Variants in EPS15L1 observed in about 807,000 individuals in gnomAD.
EPS15L1 encodes epidermal growth factor receptor substrate 15-like 1.
A neutral mutation model predicts 117.1 loss-of-function variants in EPS15L1; 43 were observed. That is an observed-to-expected ratio of 0.37 (90% confidence interval 0.29 to 0.47). The LOEUF (loss-of-function observed/expected upper bound fraction) is 0.47, where lower values mean the gene tolerates loss of function less well. Among genes scored for constraint, EPS15L1 ranks in the 20% least tolerant of loss-of-function variants. The probability of loss-of-function intolerance (pLI) is 0.99; values close to 1 mark genes in which losing one functional copy is unlikely to be tolerated. For synonymous variants in EPS15L1, 459 were observed against 470.5 expected, an observed-to-expected ratio of 0.98 and a Z score of 0.32; for missense variants, 981 against 1,164.0, an observed-to-expected ratio of 0.84 and a Z score of 2.29.
At chr19:16,412,102 T>C (rs559047958) in intron 13 of EPS15L1, among the ~76,000 whole-genome samples, 4 of 152,176 alleles carry the variant, frequency 2.6e-5, no homozygotes, top group Non-Finnish European at 5.9e-5. Flanking sequence ...TTGGATTATT[T>C]TTTATTTTTT....
intron 1 of EPS15L1, among the ~76,000 whole-genome samples, chr19:16,470,442 G>A (rs1255191859): frequency 1.3e-5 from 2 of 152,010 alleles, no homozygotes; most frequent in African/African-American, 2.4e-5. Context: ...CCCAAACTGG[G>A]AGTGCTTAGT....
chr19:16,368,539 C>T (rs1433032823), intron 22 of EPS15L1, among the ~76,000 whole-genome samples: 1 of 151,638 alleles, frequency 6.6e-6, no homozygotes, highest in Admixed American at 6.6e-5. Flanking sequence ...ACACATCTCT[C>T]GTTCATCCTG....
Position 16,404,856 on chromosome 19 carries a change from C to T in EPS15L1, c.1267-107G>A. On this transcript the variant is annotated intron_variant, in intron 13 of 23. Transcript: ENST00000455140. The surrounding 1 kb of genome is among the most constrained non-coding windows in gnomAD (Gnocchi z 4.2). ...AGTCCAGGGGAAGCCTCCGAAACCA[C>T]CCACTGTGACCGTGCTCAGGGCCAG... The T allele has an allele frequency of 8.2e-7, 1 of 1,223,094 alleles. No homozygotes were observed. The allele number at this position is 1,223,094 out of a possible 1,614,324, so 75.8% of individuals were successfully genotyped here. A position where few individuals can be genotyped will look rare whatever the true frequency, so the allele number is the denominator to read the frequency against.
At chr19:16,392,497 T>TGG in intron 18 of EPS15L1, 57 bp from the exon 19 acceptor site, 1 of 1,494,464 alleles carries the variant, frequency 6.7e-7, no homozygotes, top group Non-Finnish European at 9.3e-7. Flanking sequence ...AACCCAGACA[T>TGG]AAAAGAACAC....
At chr19:16,431,249 C>A (rs969499325) in intron 7 of EPS15L1, among the ~76,000 whole-genome samples, 33 of 144,162 alleles carry the variant, frequency 2.3e-4, no homozygotes, top group Admixed American at 2.3e-3. Flanking sequence ...AAAAAAAAAA[C>A]TTTTTTTTAA....
At chr19:16,469,896 C>G (rs1322438500) in intron 1 of EPS15L1, among the ~76,000 whole-genome samples, 1 of 152,158 alleles carries the variant, frequency 6.6e-6, no homozygotes, top group Non-Finnish European at 1.5e-5. Context: ...ATCTGTGAAC[C>G]CAAGTGATCT....
rs759015104 is a variant in EPS15L1 at position 16,385,228 on chromosome 19, C to G, written c.2165-17G>C. 6.2e-7 allele frequency: 1 copy of G among 1,611,194 alleles called. No individual in the cohort carries two copies. Among genetic ancestry groups the G allele is most frequent in the East Asian group, 2.2e-5 (1 of 44,870 alleles). On this transcript the variant is annotated splice_polypyrimidine_tract_variant and intron_variant, in intron 20 of 23. Coordinates refer to ENST00000455140, the MANE Select transcript of EPS15L1 (RefSeq NM_001258374.3). ...CAAAGGGATCTGCAATCGGCACCAA[C>G]AAAGTCAGAGTTACAGGTCTTTAAG...
At chr19:16,427,417 T>C (rs554370125) in intron 8 of EPS15L1, among the ~76,000 whole-genome samples, 1 of 152,362 alleles carries the variant, frequency 6.6e-6, no homozygotes, top group Admixed American at 6.5e-5. Context: ...TCAGCATTAC[T>C]AATCCAAAAA....
intron 19 of EPS15L1, 111 bp downstream of exon 19, chr19:16,392,193 C>G (rs2092483329): frequency 1.6e-6 from 2 of 1,243,504 alleles, no homozygotes; most frequent in Non-Finnish European, 2.3e-6. Context: ...ATGGCCCACA[C>G]TCGCAGGCAC....
intron 13 of EPS15L1, among the ~76,000 whole-genome samples, chr19:16,411,952 G>A (rs922014535): frequency 1.3e-5 from 2 of 152,160 alleles, no homozygotes; most frequent in African/African-American, 4.8e-5. Context: ...TCCGGCCTCG[G>A]CCTCCCAAAG....
intron 19 of EPS15L1, among the ~76,000 whole-genome samples, 167 bp from the exon 20 acceptor site, chr19:16,386,398 C>T (rs1471686263): frequency 1.3e-5 from 2 of 152,208 alleles, no homozygotes; most frequent in African/African-American, 4.8e-5. Context: ...AACAGATCAA[C>T]CCTCCTGCAG....
intron 10 of EPS15L1, among the ~76,000 whole-genome samples, chr19:16,420,917 GC>G (rs567365198): frequency 1.4e-3 from 209 of 152,244 alleles, no homozygotes; most frequent in African/African-American, 5.0e-3. Flanking sequence ...TCCTGCCCCC[GC>G]CCTCACCCTG....
At chr19:16,377,450 C>T (rs1291634219) in intron 21 of EPS15L1, among the ~76,000 whole-genome samples, 196 bp from the exon 22 acceptor site, 1 of 152,190 alleles carries the variant, frequency 6.6e-6, no homozygotes, top group Non-Finnish European at 1.5e-5. Context: ...CAGGGGCCCT[C>T]TGGCCTGTGG....
intron 16 of EPS15L1, among the ~76,000 whole-genome samples, chr19:16,399,680 G>A (rs2092577031): frequency 1.3e-5 from 2 of 150,032 alleles, no homozygotes; most frequent in Admixed American, 6.6e-5. Context: ...TGCTTTTTGG[G>A]GTTTTTTTTT....
chr19:16,390,490 A>G (rs1196762724), intron 19 of EPS15L1, among the ~76,000 whole-genome samples: 1 of 152,200 alleles, frequency 6.6e-6, no homozygotes, highest in African/African-American at 2.4e-5. Flanking sequence ...TCTGAACACT[A>G]TGAGGAACCT....
Position 16,370,579 on chromosome 19 carries a change from A to G in EPS15L1, c.2380+6543T>C, listed in dbSNP as rs1037220546. Among the ~76,000 whole-genome samples, 2 of 152,114 alleles carry G rather than the reference A, an allele frequency of 1.3e-5. No individual in the cohort carries two copies. Among genetic ancestry groups the G allele is most frequent in the Non-Finnish European group, 2.9e-5 (2 of 68,014 alleles). On this transcript the variant is annotated intron_variant, in intron 22 of 23. Coordinates refer to ENST00000455140, the MANE Select transcript of EPS15L1 (RefSeq NM_001258374.3). This position sits in a 1 kb window ranked among gnomAD's most constrained non-coding sequence, Gnocchi z 5.2. ...TGCACCCCACTGAACACCAGATGAT[A>G]ATCGAGTCACACGACACTCCCTGGA...
intron 3 of EPS15L1, chr19:16,441,287 ACAGTGAAAC>A: frequency 3.9e-6 from 1 of 258,586 alleles, no homozygotes; most frequent in Non-Finnish European, 7.8e-6. Flanking sequence ...TCTGGCTAAC[ACAGTGAAAC>A]CCCGTCCCTA....
At chr19:16,376,817 C>T (rs1207603305) in intron 22 of EPS15L1, among the ~76,000 whole-genome samples, 2 of 152,200 alleles carry the variant, frequency 1.3e-5, no homozygotes, top group African/African-American at 4.8e-5. Flanking sequence ...CATGCTCAGG[C>T]GGAGGCCGCA....
intron 10 of EPS15L1, among the ~76,000 whole-genome samples, chr19:16,418,355 G>A (rs2092781009): frequency 6.6e-6 from 1 of 152,192 alleles, no homozygotes; most frequent in Non-Finnish European, 1.5e-5. Context: ...CCTGGGCTGA[G>A]GAGCCGACCC....
Sources: gnomAD v4.1 joint callset for allele counts (sites outside exome capture counted in the v4.1 genomes callset) on GRCh38, gnomAD v4.1.1 for gene constraint, Gnocchi (gnomAD v3.1) non-coding constraint, MANE v1.5 for transcripts, NCBI Gene and HGNC (gene_info 2026-07-23, HGNC 2026-07-21) for gene names.